AGBL4: variants seen among roughly 807,000 people sequenced by gnomAD.
AGBL4 encodes the protein AGBL carboxypeptidase 4.
AGBL4 carries 58 observed loss-of-function variants against 66.4 expected under a neutral mutation model. That is an observed-to-expected ratio of 0.87 (90% confidence interval 0.71 to 1.09). The LOEUF (loss-of-function observed/expected upper bound fraction) is 1.09, where lower values mean the gene tolerates loss of function less well. Among genes scored for constraint, AGBL4 ranks in the 50% least tolerant of loss-of-function variants. The pLI, the probability that AGBL4 is intolerant of heterozygous loss-of-function variation, is 0.00. For synonymous variants in AGBL4, 234 were observed against 222.9 expected (o/e 1.05, Z -0.44); for missense variants, 579 against 631.0 (o/e 0.92, Z 0.88).
chr1:48,751,833 G>A (rs1006750295), intron 6 of AGBL4, among the ~76,000 whole-genome samples: 10 of 152,122 alleles, frequency 6.6e-5, no homozygotes, highest in Admixed American at 2.0e-4. Flanking sequence ...ACTGCCCCCA[G>A]GAAAACGGAG....
intron 3 of AGBL4, among the ~76,000 whole-genome samples, chr1:49,535,172 T>C (rs1350920996): frequency 2.6e-5 from 4 of 152,026 alleles, no homozygotes; most frequent in African/African-American, 9.7e-5. Flanking sequence ...CTAACCCAAG[T>C]GCAGAGAATA....
At chr1:48,864,572 A>C (rs1647808925) in intron 6 of AGBL4, among the ~76,000 whole-genome samples, 1 of 152,224 alleles carries the variant, frequency 6.6e-6, no homozygotes, top group Non-Finnish European at 1.5e-5. Flanking sequence ...TGGAATATCT[A>C]ACAGCAATTA....
rs549251167 is a variant in AGBL4, at chr1:49,544,877, C to T, written c.282+152436G>A. On this transcript the variant is annotated intron_variant, in intron 3 of 13. Coordinates refer to ENST00000371839, the MANE Select transcript of AGBL4 (RefSeq NM_032785.4). ...ACCCACAGAGGTTCTCTTGAGAGAA[C>T]GAGGTGAACCCCGGACTTCTTTCTA... Among the ~76,000 whole-genome samples the T allele has an allele frequency of 9.2e-5, 14 of 152,304 alleles. No homozygotes were observed. In the South Asian group the frequency reaches 1.9e-3, roughly 20 times the overall value.
intron 11 of AGBL4, among the ~76,000 whole-genome samples, chr1:48,547,535 T>C (rs1644184014): frequency 6.6e-6 from 1 of 152,066 alleles, no homozygotes; most frequent in South Asian, 2.1e-4. Flanking sequence ...AGGAGGTCAG[T>C]TCGGAGCATG....
chr1:48,579,205 A>G (rs1644698734), intron 11 of AGBL4, among the ~76,000 whole-genome samples: 1 of 152,074 alleles, frequency 6.6e-6, no homozygotes, highest in South Asian at 2.1e-4. Flanking sequence ...CTTAACAGCT[A>G]TCATCTATCA....
intron 6 of AGBL4, among the ~76,000 whole-genome samples, chr1:48,693,646 T>C (rs1044058626): frequency 4.6e-5 from 7 of 152,160 alleles, no homozygotes; most frequent in Admixed American, 1.3e-4. Flanking sequence ...ACCCACACTG[T>C]TCAACTTCTT....
At chr1:49,207,542 T>TTCTTTC (rs1648288037) in intron 4 of AGBL4, among the ~76,000 whole-genome samples, 9 of 78,020 alleles carry the variant, frequency 1.2e-4, no homozygotes, top group African/African-American at 3.9e-4. Flanking sequence ...TTTTTCTTTC[T>TTCTTTC]TTTCTTTCTT....
intron 2 of AGBL4, among the ~76,000 whole-genome samples, chr1:49,731,576 T>C (rs1183467954): frequency 6.6e-6 from 1 of 152,056 alleles, no homozygotes; most frequent in Non-Finnish European, 1.5e-5. Context: ...ATGAAACATA[T>C]CAATTAGGCA....
chr1:48,957,922 C>T (rs1368494515), intron 5 of AGBL4, among the ~76,000 whole-genome samples: 8 of 152,294 alleles, frequency 5.3e-5, no homozygotes, highest in African/African-American at 1.7e-4. Context: ...TACATTTTTC[C>T]TCAGGATAAA....
In AGBL4 at chr1:49,115,758, G is replaced by T. The variant is rs191478624; in HGVS notation, c.378-69958C>A. 9.7e-4 allele frequency among the ~76,000 whole-genome samples: 147 copies of T among 152,148 alleles called. 1 individual carries two copies. The highest frequency in any genetic ancestry group is 1.5e-4 in the Non-Finnish European group (10 of 68,000). ...AACACGAAGTTAATTTCAATTCTAA[G>T]ATACAAATCCCCCCCCATTTTATAT... is the stretch of plus-strand genomic sequence containing the variant. On this transcript the variant is annotated intron_variant, in intron 4 of 13. Transcript: ENST00000371839.
At chr1:49,118,100 C>G (rs1645568920) in intron 4 of AGBL4, among the ~76,000 whole-genome samples, 1 of 152,150 alleles carries the variant, frequency 6.6e-6, no homozygotes, top group Non-Finnish European at 1.5e-5. Flanking sequence ...TGCTTATCAG[C>G]TTAAGGAGAT....
At chr1:49,596,173 CTTTG>C (rs1644849545) in intron 3 of AGBL4, among the ~76,000 whole-genome samples, 1 of 152,002 alleles carries the variant, frequency 6.6e-6, no homozygotes, top group African/African-American at 2.4e-5. Flanking sequence ...CATGGAGGTC[CTTTG>C]TTTGTTTGAG....
In AGBL4 at chr1:48,897,735, C is replaced by T. The variant is rs184965315; in HGVS notation, c.595-30505G>A. On this transcript the variant is annotated intron_variant, in intron 5 of 13. Transcript: ENST00000371839. ...TTCTCTAATGATTAGTAATGTTGAG[C>T]ATTTTTTCATATACCTGTTGGCCAT... Among the ~76,000 whole-genome samples, 322 of 151,342 alleles carry T rather than the reference C, an allele frequency of 2.1e-3. 5 individuals carry two copies. The highest frequency in any genetic ancestry group is 2.4e-3 in the Non-Finnish European group (161 of 67,906).
At chr1:49,787,805 T>C (rs1450530904) in intron 2 of AGBL4, among the ~76,000 whole-genome samples, 1 of 151,972 alleles carries the variant, frequency 6.6e-6, no homozygotes, top group African/African-American at 2.4e-5. Flanking sequence ...CCTCCAACAA[T>C]GAACTGTGAC....
At chr1:49,084,288 C>T (rs1644858576) in intron 4 of AGBL4, among the ~76,000 whole-genome samples, 1 of 152,216 alleles carries the variant, frequency 6.6e-6, no homozygotes, top group Non-Finnish European at 1.5e-5. Flanking sequence ...AGCAGCACCC[C>T]ACTCTACCAT....
chr1:49,728,674 A>G (rs1028559427), intron 2 of AGBL4, among the ~76,000 whole-genome samples: 2 of 152,174 alleles, frequency 1.3e-5, no homozygotes, highest in Non-Finnish European at 2.9e-5. Flanking sequence ...AAGAGGGAAG[A>G]AAAACAGGAA....
At chr1:49,907,056 A>G (rs1229055920) in intron 1 of AGBL4, among the ~76,000 whole-genome samples, 1 of 152,164 alleles carries the variant, frequency 6.6e-6, no homozygotes, top group Non-Finnish European at 1.5e-5. Flanking sequence ...GCCCATGCTG[A>G]CCATGCCGAA....
chr1:48,949,579 G>A (rs1571075796), intron 5 of AGBL4, among the ~76,000 whole-genome samples: 1 of 152,340 alleles, frequency 6.6e-6, no homozygotes, highest in East Asian at 1.9e-4. Flanking sequence ...GAGGGAGTCA[G>A]CTACAAACAT....
intron 5 of AGBL4, among the ~76,000 whole-genome samples, chr1:48,935,459 T>C (rs1357767394): frequency 1.3e-5 from 2 of 152,146 alleles, no homozygotes; most frequent in Non-Finnish European, 2.9e-5. Flanking sequence ...TGCTCGTTAT[T>C]GGCAAGGGGA....
Sources: allele counts gnomAD v4.1 joint callset (sites outside exome capture counted in the v4.1 genomes callset), GRCh38; gene constraint gnomAD v4.1.1; transcripts MANE v1.5; gene names NCBI Gene and HGNC (gene_info 2026-07-23, HGNC 2026-07-21).